ROBO1: variants seen among roughly 807,000 people sequenced by gnomAD.
ROBO1 encodes roundabout guidance receptor 1.
In ROBO1, 149 loss-of-function variants were observed where a neutral mutation model predicts 195.9. That is an observed-to-expected ratio of 0.76 (90% CI 0.67 to 0.87). The LOEUF is 0.87. Ranked by LOEUF, ROBO1 falls within the 40% of genes least tolerant of loss-of-function variation. The pLI, the probability that ROBO1 is intolerant of heterozygous loss-of-function variation, is 0.00. For missense variants in ROBO1, 1,933 were observed against 2,068.3 expected, an observed-to-expected ratio of 0.93 and a Z score of 1.27; for synonymous variants, 816 against 733.2, an observed-to-expected ratio of 1.11 and a Z score of -1.82.
At chr3:79,741,620 G>A (rs1156538011) in intron 1 of ROBO1, among the ~76,000 whole-genome samples, 1 of 152,182 alleles carries the variant, frequency 6.6e-6, no homozygotes, top group Non-Finnish European at 1.5e-5. Flanking sequence ...TGTGTTGGGA[G>A]TGAGGCATTG....
At chr3:79,610,354 C>T (rs1170126438) in intron 1 of ROBO1, among the ~76,000 whole-genome samples, 1 of 111,358 alleles carries the variant, frequency 9.0e-6, no homozygotes, top group South Asian at 3.7e-4. Context: ...GTTAAGTGAA[C>T]GTGGGCTCCC....
In ROBO1 at chr3:79,558,736, G is replaced by C. The variant is rs190996919; in HGVS notation, c.88+31088C>G. ...CGGATTAAATTAAAACTGCATGATA[G>C]AGTTACTTAAACATTATTTTAAAAA... On this transcript the variant is annotated intron_variant, in intron 2 of 30. Coordinates refer to ENST00000464233, the MANE Select transcript of ROBO1 (RefSeq NM_002941.4). Among the ~76,000 whole-genome samples, 570 of 152,214 alleles carry C rather than the reference G, an allele frequency of 3.7e-3. 2 individuals are homozygous for C. Among genetic ancestry groups the C allele is most frequent in the African/African-American group, 0.012 (486 of 41,544 alleles).
chr3:79,261,167 A>AT (rs1015579103), intron 2 of ROBO1, among the ~76,000 whole-genome samples: 9 of 151,872 alleles, frequency 5.9e-5, no homozygotes, highest in Non-Finnish European at 1.0e-4. Flanking sequence ...GGAACATAGT[A>AT]TTTTTTTTGT....
intron 4 of ROBO1, among the ~76,000 whole-genome samples, chr3:78,885,175 A>G (rs1394209048): frequency 6.6e-6 from 1 of 151,982 alleles, no homozygotes; most frequent in East Asian, 1.9e-4. Context: ...ACCAAATACC[A>G]CATGTTCTCA....
intron 3 of ROBO1, among the ~76,000 whole-genome samples, chr3:78,973,779 T>G (rs1233755032): frequency 1.3e-5 from 2 of 151,848 alleles, no homozygotes; most frequent in African/African-American, 4.8e-5. Context: ...AAAGGTTACA[T>G]AAATATCGCA....
chr3:79,470,815 G>A (rs568719165), intron 2 of ROBO1, among the ~76,000 whole-genome samples: 21 of 152,230 alleles, frequency 1.4e-4, no homozygotes, highest in Admixed American at 1.2e-3. Flanking sequence ...CTGCCATGTG[G>A]AACTGTGAGT....
chr3:78,627,589 T>A lies in ROBO1; in HGVS notation c.3627-20A>T, dbSNP rs1704893471. 1 of 1,588,458 alleles carries A rather than the reference T, an allele frequency of 6.3e-7. No individual in the cohort carries two copies. Among genetic ancestry groups the A allele is most frequent in the South Asian group, 1.2e-5 (1 of 86,770 alleles). The stretch of plus-strand genomic sequence containing the variant: ...TCATAGCTAAAATAAATGATAAGGA[T>A]GTGTAGACTTACTTCAGGTTATTCA... On this transcript the variant is annotated intron_variant, in intron 25 of 30. Coordinates refer to ENST00000464233, the MANE Select transcript of ROBO1 (RefSeq NM_002941.4).
intron 19 of ROBO1, among the ~76,000 whole-genome samples, chr3:78,650,416 C>T (rs956726027): frequency 1.3e-5 from 2 of 152,160 alleles, no homozygotes; most frequent in African/African-American, 4.8e-5. Flanking sequence ...GAGCCACAGG[C>T]AGGCGGCAAG....
intron 4 of ROBO1, among the ~76,000 whole-genome samples, chr3:78,785,933 GAA>G (rs1401555185): frequency 6.6e-6 from 1 of 152,102 alleles, no homozygotes; most frequent in African/African-American, 2.4e-5. Flanking sequence ...TTTAACAGGT[GAA>G]TTTGCTAAAT....
intron 4 of ROBO1, among the ~76,000 whole-genome samples, chr3:78,848,188 A>C (rs1193168288): frequency 6.6e-6 from 1 of 152,162 alleles, no homozygotes; most frequent in Non-Finnish European, 1.5e-5. Flanking sequence ...TAAAGGGCAA[A>C]ATAGATGTTT....
At chr3:79,398,666 A>G (rs1337130562) in intron 2 of ROBO1, among the ~76,000 whole-genome samples, 1 of 152,160 alleles carries the variant, frequency 6.6e-6, no homozygotes, top group Non-Finnish European at 1.5e-5. Context: ...GAAGAGCCCT[A>G]TGTACTGCAG....
chr3:79,180,843 G>A (rs189974881), intron 2 of ROBO1, among the ~76,000 whole-genome samples: 6 of 152,212 alleles, frequency 3.9e-5, no homozygotes, highest in Admixed American at 6.5e-5. Flanking sequence ...TCAGAAGGAT[G>A]TGCAGTTGGA....
intron 3 of ROBO1, among the ~76,000 whole-genome samples, chr3:78,957,787 T>G (rs994024888): frequency 2.0e-5 from 3 of 152,238 alleles, no homozygotes; most frequent in African/African-American, 7.2e-5. Context: ...TGCCATTACA[T>G]GCTAATTCCT....
intron 4 of ROBO1, among the ~76,000 whole-genome samples, chr3:78,920,670 T>C (rs1228464192): frequency 7.1e-6 from 1 of 140,344 alleles, no homozygotes; most frequent in Non-Finnish European, 1.5e-5. Flanking sequence ...GGTTTTACTC[T>C]GTTACCCAGG....
At chr3:79,329,839 G>C (rs2034361459) in intron 2 of ROBO1, among the ~76,000 whole-genome samples, 1 of 152,042 alleles carries the variant, frequency 6.6e-6, no homozygotes, top group South Asian at 2.1e-4. Context: ...ACCTTGTGGA[G>C]GTAGTACAAT....
At chr3:79,562,905 C>T (rs1051812197) in intron 2 of ROBO1, among the ~76,000 whole-genome samples, 23 of 152,042 alleles carry the variant, frequency 1.5e-4, no homozygotes, top group Admixed American at 3.3e-4. Flanking sequence ...ATACCTAAAG[C>T]ATATTGATCA....
chr3:79,378,860 G>T (rs999043022), intron 2 of ROBO1, among the ~76,000 whole-genome samples: 3 of 152,198 alleles, frequency 2.0e-5, no homozygotes, highest in Non-Finnish European at 2.9e-5. Flanking sequence ...GAAAGGCTGA[G>T]CATCAGTTTC....
At chr3:79,558,027 C>A (rs2107698599) in intron 2 of ROBO1, among the ~76,000 whole-genome samples, 1 of 152,064 alleles carries the variant, frequency 6.6e-6, no homozygotes, top group African/African-American at 2.4e-5. Flanking sequence ...CAATAATCAG[C>A]CTGAATAGAA....
At chr3:79,546,323 G>A (rs1320444625) in intron 2 of ROBO1, among the ~76,000 whole-genome samples, 1 of 152,016 alleles carries the variant, frequency 6.6e-6, no homozygotes, top group African/African-American at 2.4e-5. Context: ...TAGGTTTCTG[G>A]GGAGTCAAAT....
Sources: gnomAD v4.1 joint callset for allele counts (sites outside exome capture counted in the v4.1 genomes callset) on GRCh38, gnomAD v4.1.1 for gene constraint, MANE v1.5 for transcripts, NCBI Gene and HGNC (gene_info 2026-07-23, HGNC 2026-07-21) for gene names.